ZNF438: variants seen among roughly 807,000 people sequenced by gnomAD.
ZNF438 encodes zinc finger protein 438.
In ZNF438, 25 loss-of-function variants were observed where a neutral mutation model predicts 38.0. The ratio of observed to expected loss-of-function variants is 0.66; its 90% CI spans 0.48 to 0.92. The LOEUF (loss-of-function observed/expected upper bound fraction) is 0.92. Among genes scored for constraint, ZNF438 ranks in the 40% least tolerant of loss-of-function variants. ZNF438 has a pLI of 0.00. For synonymous variants in ZNF438, 372 were observed against 364.1 expected (o/e 1.02, Z -0.25); for missense variants, 1,007 against 999.6 (o/e 1.01, Z -0.10).
At chr10:30,924,431 G>A (rs903322663) in intron 2 of ZNF438, among the ~76,000 whole-genome samples, 6 of 152,168 alleles carry the variant, frequency 3.9e-5, no homozygotes, top group Non-Finnish European at 8.8e-5. Flanking sequence ...TGAGGGGTGC[G>A]GCATTTCCTT....
At chr10:30,870,145 C>T (rs1206536145) in intron 4 of ZNF438, among the ~76,000 whole-genome samples, 1 of 152,148 alleles carries the variant, frequency 6.6e-6, no homozygotes, top group South Asian at 2.1e-4. Flanking sequence ...TTCTACTGTG[C>T]TTTCAAAGTT....
At chr10:30,845,436 C>A in exon 6 of ZNF438, 2 of 1,614,128 alleles carry the variant, frequency 1.2e-6, no homozygotes, top group Non-Finnish European at 8.5e-7. Flanking sequence ...AATTTCCTCT[C>A]CATGAACATC....
chr10:30,906,496 C>T (rs886584516), intron 3 of ZNF438, among the ~76,000 whole-genome samples: 12 of 152,094 alleles, frequency 7.9e-5, no homozygotes, highest in African/African-American at 2.9e-4. Flanking sequence ...GATTTTTTTA[C>T]ATACAAGATG....
chr10:30,890,097 AAAAAAAG>A (rs1564579272), intron 3 of ZNF438, among the ~76,000 whole-genome samples: 1 of 146,544 alleles, frequency 6.8e-6, no homozygotes, highest in South Asian at 2.1e-4. Flanking sequence ...AAAAAAAAAA[AAAAAAAG>A]AAAAAAAAAG....
In ZNF438 at chr10:30,978,150, T is replaced by C. The variant is rs192204927; in HGVS notation, c.-191-36499A>G. On this transcript the variant is annotated intron_variant, in intron 1 of 5. Coordinates refer to ENST00000413025, the Ensembl canonical transcript of ZNF438. ...CATTTTATCTGGCTGCTTCTTAGTG[T>C]CCAGGGTACTACCAAACATCGATTC... 2.5e-3 allele frequency among the ~76,000 whole-genome samples: 374 copies of C among 152,274 alleles called. 1 individual carries two copies. The highest frequency in any genetic ancestry group is 8.5e-3 in the African/African-American group (352 of 41,556).
chr10:30,954,673 GA>G lies in ZNF438; in HGVS notation c.-191-13023del, dbSNP rs58392345. ...CAAAATACCTTGACTCAGTATGAAA[GA>G]AAAAAAATGCCTCTCTAAAATAAAT... is the stretch of plus-strand genomic sequence containing the variant. On this transcript the variant is annotated intron_variant, in intron 1 of 5. Coordinates refer to ENST00000413025, the Ensembl canonical transcript of ZNF438. Among the ~76,000 whole-genome samples, 182 of 151,880 alleles carry G rather than the reference GA, an allele frequency of 1.2e-3. 1 individual carries two copies. The highest frequency in any genetic ancestry group is 4.3e-3 in the African/African-American group (179 of 41,456).
intron 2 of ZNF438, among the ~76,000 whole-genome samples, chr10:30,930,082 G>C (rs1383348334): frequency 6.6e-6 from 1 of 152,058 alleles, no homozygotes; most frequent in Non-Finnish European, 1.5e-5. Context: ...GGCAGTTGAT[G>C]GGAGCAGGTG....
At chr10:30,959,252 T>C (rs1159891351) in intron 1 of ZNF438, among the ~76,000 whole-genome samples, 1 of 146,820 alleles carries the variant, frequency 6.8e-6, no homozygotes, top group Non-Finnish European at 1.5e-5. Flanking sequence ...GAGCAGATGG[T>C]TCTCCATTAT....
chr10:30,941,046 G>A (rs1352863291), intron 2 of ZNF438, among the ~76,000 whole-genome samples: 1 of 133,212 alleles, frequency 7.5e-6, no homozygotes, highest in Non-Finnish European at 1.8e-5. Context: ...AACACCAAGA[G>A]TTTAAAACTG....
At chr10:30,898,324 C>G (rs911863217) in intron 3 of ZNF438, among the ~76,000 whole-genome samples, 5 of 152,146 alleles carry the variant, frequency 3.3e-5, no homozygotes, top group Middle Eastern at 3.2e-3. Context: ...TCAATCAACA[C>G]TGCCAGGGAA....
At chr10:30,950,267 A>G (rs946304562) in intron 1 of ZNF438, among the ~76,000 whole-genome samples, 1 of 152,200 alleles carries the variant, frequency 6.6e-6, no homozygotes, top group East Asian at 1.9e-4. Flanking sequence ...AGGGAAATTT[A>G]TAGCACTAAA....
chr10:30,914,533 C>T (rs1164984940), intron 2 of ZNF438, among the ~76,000 whole-genome samples: 1 of 151,816 alleles, frequency 6.6e-6, no homozygotes, highest in Admixed American at 6.6e-5. Flanking sequence ...TGGATGTTAC[C>T]ACTGGGGGGA....
intron 4 of ZNF438, among the ~76,000 whole-genome samples, chr10:30,853,366 T>C (rs1189549808): frequency 2.0e-5 from 3 of 152,218 alleles, no homozygotes; most frequent in African/African-American, 7.2e-5. Flanking sequence ...CCAAAATCCC[T>C]GCAATGGCTT....
At chr10:30,986,636 T>C (rs1338624395) in intron 1 of ZNF438, among the ~76,000 whole-genome samples, 2 of 151,966 alleles carry the variant, frequency 1.3e-5, no homozygotes, top group Non-Finnish European at 2.9e-5. Context: ...TGTTTTGAAT[T>C]CAGAGTTTTT....
intron 2 of ZNF438, among the ~76,000 whole-genome samples, chr10:30,918,169 C>T (rs1008444227): frequency 2.6e-5 from 4 of 152,104 alleles, no homozygotes; most frequent in Middle Eastern, 3.2e-3. Flanking sequence ...TATGGCAGCA[C>T]CATGCTATCT....
At chr10:30,895,061 A>G (rs959688788) in intron 3 of ZNF438, among the ~76,000 whole-genome samples, 1 of 152,256 alleles carries the variant, frequency 6.6e-6, no homozygotes, top group Non-Finnish European at 1.5e-5. Flanking sequence ...AAAGATGAGA[A>G]AAATCAGAAC....
intron 1 of ZNF438, among the ~76,000 whole-genome samples, chr10:30,950,434 C>A (rs2048027945): frequency 1.4e-5 from 2 of 146,080 alleles, no homozygotes; most frequent in African/African-American, 5.1e-5. Context: ...CACAAAAAAC[C>A]CTTCAAAAAA....
chr10:30,845,052 T>G, exon 6 of ZNF438: 1 of 1,614,220 alleles, frequency 6.2e-7, no homozygotes, highest in Non-Finnish European at 8.5e-7. Context: ...CTCACAGTTA[T>G]GCTGGTGCTT....
At chr10:30,929,317 G>A (rs1474619237) in intron 2 of ZNF438, among the ~76,000 whole-genome samples, 1 of 152,202 alleles carries the variant, frequency 6.6e-6, no homozygotes, top group Non-Finnish European at 1.5e-5. Flanking sequence ...ATGTTCAGAT[G>A]TGTTCGGACT....
Sources: allele counts gnomAD v4.1 joint callset (sites outside exome capture counted in the v4.1 genomes callset), GRCh38; gene constraint gnomAD v4.1.1; transcripts MANE v1.5; gene names NCBI Gene and HGNC (gene_info 2026-07-23, HGNC 2026-07-21).